Variants in CTDSP1 observed in about 807,000 individuals in gnomAD.
CTDSP1 encodes the protein CTD small phosphatase 1.
In CTDSP1, 15 loss-of-function variants were observed where a neutral mutation model predicts 32.5. The observed-to-expected ratio is 0.46, with a 90% CI of 0.31 to 0.71. The LOEUF is 0.71. Among genes scored for constraint, CTDSP1 ranks in the 30% least tolerant of loss-of-function variants. CTDSP1 has a pLI of 0.05. For synonymous variants in CTDSP1, 185 were observed against 145.4 expected, an observed-to-expected ratio of 1.27 and a Z score of -1.96; for missense variants, 294 against 351.1, an observed-to-expected ratio of 0.84 and a Z score of 1.30.
Position 218,404,525 on chromosome 2 carries a change from G to A in CTDSP1, c.*100G>A, listed in dbSNP as rs186725248. 3.0e-4 allele frequency: 439 copies of A among 1,454,652 alleles called. 1 individual carries two copies. The highest frequency in any genetic ancestry group is 3.9e-4 in the Non-Finnish European group (411 of 1,066,660). 90.1% of individuals were successfully genotyped at this position (1,454,652 alleles called of 1,614,324 possible). A position where few individuals can be genotyped will look rare whatever the true frequency, so the allele number is the denominator to read the frequency against. ...TTGTTAGGAAAACCCATGGGCCGCC[G>A]CCACACTCAGTGCCATGGGGAAGCG... On this transcript the variant is annotated 3_prime_UTR_variant, in exon 7 of 7. Coordinates refer to ENST00000273062, the MANE Select transcript of CTDSP1 (RefSeq NM_021198.3).
At chr2:218,399,744 G>T, upstream of CTDSP1, 2 of 1,015,588 alleles carry the variant, frequency 2.0e-6, no homozygotes, top group Non-Finnish European at 2.4e-6. Context: ...GGCCCGGCCC[G>T]CCTCCCAGTC....
intron 6 of CTDSP1, among the ~76,000 whole-genome samples, chr2:218,404,051 C>CG (rs1426455430): frequency 1.3e-5 from 2 of 151,242 alleles, no homozygotes; most frequent in Non-Finnish European, 2.9e-5. Flanking sequence ...CAGAGCAAGA[C>CG]CCTGCCTCAA....
At chr2:218,402,596 G>A (rs1697207264) in intron 4 of CTDSP1, 191 bp downstream of exon 4, 1 of 759,988 alleles carries the variant, frequency 1.3e-6, no homozygotes. Flanking sequence ...CCTGCAGAGT[G>A]GGCTCCTCCT....
In CTDSP1 at chr2:218,400,040, A is replaced by T; in HGVS notation, c.-51A>T. 9.9e-7 allele frequency: 1 copy of T among 1,011,728 alleles called. No individual in the cohort carries two copies. Among genetic ancestry groups the T allele is most frequent in the Non-Finnish European group, 1.2e-6 (1 of 839,988 alleles). The allele number at this position is 1,011,728 out of a possible 1,614,324, so 62.7% of individuals were successfully genotyped here. A position where few individuals can be genotyped will look rare whatever the true frequency, so the allele number is the denominator to read the frequency against. On this transcript the variant is annotated 5_prime_UTR_variant, in exon 1 of 7. Coordinates refer to ENST00000273062, the MANE Select transcript of CTDSP1 (RefSeq NM_021198.3). ...CCGATTCCGGCCCCAGCCGGGGGGG[A>T]GGCCGGGCGCCCGGGCCAGAGTCCG...
At position 218,404,684 on chromosome 2, in the gene CTDSP1, C is replaced by A. The variant is rs1420766541; in HGVS notation, c.*259C>A. Reference sequence around the variant, plus strand: ...CAGGGGACCTGGGGGGCCCTGCCTGCTGCTCCCTTTTTCTGTCTCTGTCCA... The same window carrying A: ...CAGGGGACCTGGGGGGCCCTGCCTGATGCTCCCTTTTTCTGTCTCTGTCCA... On this transcript the variant is annotated 3_prime_UTR_variant, in exon 7 of 7. Transcript: ENST00000273062. 7 of 446,774 alleles carry A rather than the reference C, an allele frequency of 1.6e-5. No homozygotes were observed. In the East Asian group the frequency reaches 2.2e-4, roughly 14 times the overall value. 27.7% of individuals were successfully genotyped at this position (446,774 alleles called of 1,614,324 possible). A position where few individuals can be genotyped will look rare whatever the true frequency, so the allele number is the denominator to read the frequency against.
chr2:218,402,817 G>T, intron 4 of CTDSP1: 1 of 688,000 alleles, frequency 1.5e-6, no homozygotes. Flanking sequence ...GGGACCTCGT[G>T]AGGTAGGACT....
At chr2:218,401,356 C>CAA in intron 1 of CTDSP1, 1 of 604,146 alleles carries the variant, frequency 1.7e-6, no homozygotes, top group South Asian at 2.0e-5. Context: ...CCTGCTAGAC[C>CAA]TATTTGTCTG....
intron 1 of CTDSP1, chr2:218,401,266 G>A: frequency 2.1e-6 from 1 of 483,352 alleles, no homozygotes; most frequent in South Asian, 2.1e-5. Flanking sequence ...CAGCAGTCAT[G>A]GAGGCTGTGA....
At chr2:218,399,795 C>A (rs561999776), upstream of CTDSP1, 10 of 1,109,122 alleles carry the variant, frequency 9.0e-6, no homozygotes, top group African/African-American at 1.3e-4. Flanking sequence ...AAAGCCGCAG[C>A]CGAGTCCAGG....
At chr2:218,398,074 C>G (rs1169855951), upstream of CTDSP1, among the ~76,000 whole-genome samples, 2 of 152,172 alleles carry the variant, frequency 1.3e-5, no homozygotes, top group African/African-American at 4.8e-5. Context: ...GCGCGCCACC[C>G]AACCCAGGCC....
At chr2:218,398,521 C>T (rs537284105), upstream of CTDSP1, 628 of 1,344,488 alleles carry the variant, frequency 4.7e-4, no homozygotes, top group African/African-American at 8.6e-3. Flanking sequence ...TACTCCCAGC[C>T]TCAGCGCACG....
In CTDSP1 at chr2:218,399,892, T is replaced by C. The variant is rs1160955103; in HGVS notation, c.-199T>C. On this transcript the variant is annotated 5_prime_UTR_variant, in exon 1 of 7. Coordinates refer to ENST00000273062, the MANE Select transcript of CTDSP1 (RefSeq NM_021198.3). ...TGCATCCGCCTCGCGGGAAGGAAAC[T>C]CCATGTTGTAACAAAGTTTCCTCCG... is the stretch of plus-strand genomic sequence containing the variant. 1.4e-5 allele frequency: 18 copies of C among 1,263,004 alleles called. No homozygotes were observed. The highest frequency in any genetic ancestry group is 1.6e-5 in the African/African-American group (1 of 63,744). The allele number at this position is 1,263,004 out of a possible 1,614,324, so 78.2% of individuals were successfully genotyped here. A position where few individuals can be genotyped will look rare whatever the true frequency, so the allele number is the denominator to read the frequency against.
At chr2:218,397,958 T>C (rs1413608820), upstream of CTDSP1, among the ~76,000 whole-genome samples, 2 of 151,672 alleles carry the variant, frequency 1.3e-5, no homozygotes, top group African/African-American at 4.8e-5. Context: ...GTGGAGGAGG[T>C]GGGGGATTCC....
chr2:218,397,669 T>TA (rs565059196), upstream of CTDSP1, among the ~76,000 whole-genome samples: 26 of 152,076 alleles, frequency 1.7e-4, no homozygotes, highest in South Asian at 5.4e-3. Flanking sequence ...AGACAAAAAA[T>TA]AGAGTGCATA....
rs116783631 is a variant in CTDSP1 at position 218,400,426 on chromosome 2, C to T, written c.67+269C>T. On this transcript the variant is annotated intron_variant, in intron 1 of 6. Coordinates refer to ENST00000273062, the MANE Select transcript of CTDSP1 (RefSeq NM_021198.3). ...TAGAGAGGGAACTCTTCGGGGGTTTCCTGGCAGGCATTGCGTGGTGCATGG... is the reference window on the plus strand; with the variant it reads ...TAGAGAGGGAACTCTTCGGGGGTTTTCTGGCAGGCATTGCGTGGTGCATGG... 5,477 of 562,186 alleles carry T rather than the reference C, an allele frequency of 9.7e-3. 113 individuals carry two copies. The highest frequency in any genetic ancestry group is 0.051 in the African/African-American group (2,657 of 52,530). 34.8% of individuals were successfully genotyped at this position (562,186 alleles called of 1,614,324 possible).
Position 218,399,980 on chromosome 2 carries a change from T to TGCCCC in CTDSP1, c.-111_-110insGCCCC. ...CCCTCCCCTCCGGAGCTCGCGGGGA[T>TGCCCC]CCCTCCCTCCCACCCCTCCCCTCCC... On this transcript the variant is annotated 5_prime_UTR_variant, in exon 1 of 7. The change creates a new upstream start codon in the 5' untranslated region. Transcript: ENST00000273062. 5 of 946,488 alleles carry TGCCCC rather than the reference T, an allele frequency of 5.3e-6. No individual in the cohort carries two copies. Among genetic ancestry groups the TGCCCC allele is most frequent in the Non-Finnish European group, 6.5e-6 (5 of 770,544 alleles). The allele number at this position is 946,488 out of a possible 1,614,324, so 58.6% of individuals were successfully genotyped here.
Position 218,403,083 on chromosome 2 carries a change from G to A in CTDSP1, c.427G>A (p.Gly143Ser), listed in dbSNP as rs539235122. ...CGTGGATGAGTTCCTGCAGCGAATG[G>A]GCGAGCTCTTTGAATGTGTGCTGTT... Reference protein sequence around the residue: ...PHVDEFLQRMGELFECVLFTA... With the variant: ...PHVDEFLQRMSELFECVLFTA... Residue 143 changes from glycine to serine, a missense_variant, in exon 5 of 7, where the codon GGC becomes AGC. Physicochemically the swap from Gly to Ser is moderately conservative, Grantham distance 56 (BLOSUM62 0). Coordinates refer to ENST00000273062, the MANE Select transcript of CTDSP1 (RefSeq NM_021198.3). The A allele has an allele frequency of 1.9e-6, 3 of 1,614,056 alleles. No homozygotes were observed. Among genetic ancestry groups the A allele is most frequent in the Non-Finnish European group, 2.5e-6 (3 of 1,180,044 alleles).
chr2:218,402,076 G>T (rs1405636380), intron 2 of CTDSP1, 35 bp from the exon 3 acceptor site: 14 of 1,463,104 alleles, frequency 9.6e-6, no homozygotes, highest in Non-Finnish European at 1.3e-5. Flanking sequence ...CAGGCCCGGA[G>T]AGAGGCACCC....
chr2:218,398,495 A>T (rs1431929160), upstream of CTDSP1: 1 of 1,469,604 alleles, frequency 6.8e-7, no homozygotes, highest in Non-Finnish European at 9.0e-7. Flanking sequence ...AGTCCCCGAC[A>T]GTCCCCTCCC....
Sources: gnomAD v4.1 joint callset for allele counts (sites outside exome capture counted in the v4.1 genomes callset) on GRCh38, gnomAD v4.1.1 for gene constraint, MANE v1.5 for transcripts, NCBI Gene and HGNC (gene_info 2026-07-23, HGNC 2026-07-21) for gene names.